The following RNF149 variants were observed in gnomAD, a reference collection of about 807,000 sequenced individuals.
The protein encoded by RNF149 is ring finger protein 149.
RNF149 carries 21 observed loss-of-function variants against 39.0 expected under a neutral mutation model. That is an observed-to-expected ratio of 0.54 (90% CI 0.38 to 0.77). RNF149 has a LOEUF of 0.77. RNF149 is among the 30% of genes least tolerant of loss of function. The pLI, the probability that RNF149 is intolerant of heterozygous loss-of-function variation, is 0.00. For synonymous variants in RNF149, 209 were observed against 213.6 expected (o/e 0.98, Z 0.19); for missense variants, 493 against 534.9 (o/e 0.92, Z 0.77).
At chr2:101,301,238 GTTT>G (rs66471016) in intron 1 of RNF149, among the ~76,000 whole-genome samples, 1 of 148,920 alleles carries the variant, frequency 6.7e-6, no homozygotes, top group Non-Finnish European at 1.5e-5. Context: ...GGCAATTTCT[GTTT>G]TTTTTTTGTT....
At chr2:101,297,162 T>C (rs1002851246) in intron 1 of RNF149, among the ~76,000 whole-genome samples, 6 of 152,038 alleles carry the variant, frequency 3.9e-5, no homozygotes, top group Non-Finnish European at 7.4e-5. Flanking sequence ...TGAGCCAAGA[T>C]TGCGCCACTG....
chr2:101,295,153 A>C lies in RNF149; in HGVS notation c.489T>G (p.Ile163Met). The C allele has an allele frequency of 6.2e-7, 1 of 1,613,692 alleles. No homozygotes were observed. The highest frequency in any genetic ancestry group is 8.5e-7 in the Non-Finnish European group (1 of 1,179,540). Residue 163 changes from isoleucine (I) to methionine (M), a missense_variant, in exon 2 of 7, where the codon ATT (isoleucine) becomes ATG (methionine). Transcript: ENST00000295317. The stretch of plus-strand genomic sequence containing the variant: ...AAATTTCTCTTCCTTTTGGATAGCT[A>C]ATCATAATGACCACTATATTTCCTG... ...AGTGNIVVIMISYPKGREILE... is the reference protein window; with the variant it reads ...AGTGNIVVIMMSYPKGREILE...
intron 5 of RNF149, 110 bp from the exon 6 acceptor site, chr2:101,282,167 T>C (rs2104391769): frequency 2.1e-6 from 3 of 1,452,994 alleles, no homozygotes; most frequent in East Asian, 2.5e-5. Context: ...TTCTGTACAA[T>C]GAATCTGGCA....
At chr2:101,300,593 G>T (rs1232985320) in intron 1 of RNF149, among the ~76,000 whole-genome samples, 1 of 152,110 alleles carries the variant, frequency 6.6e-6, no homozygotes, top group Non-Finnish European at 1.5e-5. Flanking sequence ...CAGGTGGATC[G>T]CTTGACCCTA....
intron 6 of RNF149, among the ~76,000 whole-genome samples, chr2:101,281,149 T>C (rs763185481): frequency 8.5e-5 from 13 of 152,214 alleles, no homozygotes; most frequent in Non-Finnish European, 1.6e-4. Context: ...ATATACATAA[T>C]GATTTCAAAG....
rs1326490098 is a variant in RNF149 at position 101,275,688 on chromosome 2, G to A, written c.*1550C>T. On this transcript the variant is annotated 3_prime_UTR_variant, in exon 7 of 7. Coordinates refer to ENST00000295317, the MANE Select transcript of RNF149 (RefSeq NM_173647.4). ...GATCTCCTGACCTCGTGATCCGCCC[G>A]CCTCGGCCTCCCAAAGTGCTGGGAT... The A allele has an allele frequency of 1.9e-5, 6 of 314,208 alleles. No individual in the cohort carries two copies. The highest frequency in any genetic ancestry group is 1.3e-4 in the South Asian group (1 of 7,986). 19.5% of individuals were successfully genotyped at this position (314,208 alleles called of 1,614,324 possible).
intron 1 of RNF149, among the ~76,000 whole-genome samples, chr2:101,305,032 G>C (rs1683602716): frequency 6.6e-6 from 1 of 151,854 alleles, no homozygotes. Context: ...GTAGAGACAG[G>C]GTTTCACCAT....
chr2:101,297,236 T>C (rs1683266924), intron 1 of RNF149, among the ~76,000 whole-genome samples: 1 of 150,244 alleles, frequency 6.7e-6, no homozygotes, highest in African/African-American at 2.5e-5. Flanking sequence ...GGGCAAATGG[T>C]CAACTTGGAA....
intron 6 of RNF149, among the ~76,000 whole-genome samples, chr2:101,277,897 G>A (rs1393603520): frequency 6.6e-6 from 1 of 152,114 alleles, no homozygotes; most frequent in Non-Finnish European, 1.5e-5. Flanking sequence ...AAGTAGCTAA[G>A]GTGATGGTGA....
downstream of RNF149, among the ~76,000 whole-genome samples, chr2:101,275,435 T>TTC (rs1208439362): frequency 5.2e-5 from 4 of 76,240 alleles, no homozygotes; most frequent in Non-Finnish European, 7.7e-5. Context: ...GTATTTCTTT[T>TTC]TTTTTTTTTT....
chr2:101,297,229 C>CA (rs1327574228), intron 1 of RNF149, among the ~76,000 whole-genome samples: 1 of 150,184 alleles, frequency 6.7e-6, no homozygotes, highest in African/African-American at 2.5e-5. Context: ...ACAAAAAGGG[C>CA]AAATGGTCAA....
rs1031002960 is a variant in RNF149 at position 101,275,856 on chromosome 2, G to A, written c.*1382C>T. 1.0e-6 allele frequency: 1 copy of A among 984,178 alleles called. No individual in the cohort carries two copies. The highest frequency in any genetic ancestry group is 1.2e-6 in the Non-Finnish European group (1 of 828,980). 61.0% of individuals were successfully genotyped at this position (984,178 alleles called of 1,614,324 possible). ...AGATTTCAAAGGTAATGGCTGTTAT[G>A]GAAACCTACTTGAGGTTGTCTGCTA... On this transcript the variant is annotated 3_prime_UTR_variant, in exon 7 of 7. Coordinates refer to ENST00000295317, the MANE Select transcript of RNF149 (RefSeq NM_173647.4).
chr2:101,281,735 T>C, intron 6 of RNF149, 124 bp downstream of exon 6: 1 of 1,200,164 alleles, frequency 8.3e-7, no homozygotes, highest in Non-Finnish European at 1.2e-6. Flanking sequence ...TTCTGGTTAC[T>C]TACTCTTCGA....
Position 101,276,091 on chromosome 2 carries a change from G to T in RNF149, c.*1147C>A, listed in dbSNP as rs1682335008. 2 of 878,628 alleles carry T rather than the reference G, an allele frequency of 2.3e-6. No individual in the cohort carries two copies. Among genetic ancestry groups the T allele is most frequent in the Non-Finnish European group, 2.7e-6 (2 of 732,762 alleles). The allele number at this position is 878,628 out of a possible 1,614,324, so 54.4% of individuals were successfully genotyped here. Reference sequence around the variant, plus strand: ...AAATAAATTTATAATTTTAAAAATTGTTTTAAATAAACATTTATTTTTACC... The same window carrying T: ...AAATAAATTTATAATTTTAAAAATTTTTTTAAATAAACATTTATTTTTACC... On this transcript the variant is annotated 3_prime_UTR_variant, in exon 7 of 7. Transcript: ENST00000295317.
At chr2:101,273,176 C>G (rs1443731371), downstream of RNF149, 11 of 1,273,942 alleles carry the variant, frequency 8.6e-6, no homozygotes, top group Non-Finnish European at 1.1e-5. Flanking sequence ...TAGTTTTCTG[C>G]TGGGAAACCC....
chr2:101,301,449 T>A (rs540470558), intron 1 of RNF149, among the ~76,000 whole-genome samples: 4 of 151,934 alleles, frequency 2.6e-5, no homozygotes, highest in Admixed American at 2.6e-4. Flanking sequence ...CATCTCAGCC[T>A]CTCTAATAGC....
chr2:101,283,587 G>A lies in RNF149; in HGVS notation c.961-1530C>T, dbSNP rs193224649. ...AGGGGGTCAACAGGTCCACAGAAAA[G>A]GGTGTACTGTCTAAAGATTCAAAAG... On this transcript the variant is annotated intron_variant, in intron 5 of 6. Transcript: ENST00000295317. 6.2e-3 allele frequency among the ~76,000 whole-genome samples: 945 copies of A among 152,288 alleles called. 16 individuals are homozygous for A. The highest frequency in any genetic ancestry group is 0.038 in the South Asian group (184 of 4,828).
At chr2:101,271,477 A>G (rs1044121445), downstream of RNF149, 7 of 151,494 alleles carry the variant, frequency 4.6e-5, no homozygotes, top group African/African-American at 1.5e-4. Flanking sequence ...TATATTGGGG[A>G]AAAAAAAATT....
chr2:101,272,442 TGTTA>T (rs1050258188), downstream of RNF149, among the ~76,000 whole-genome samples: 24 of 152,320 alleles, frequency 1.6e-4, no homozygotes, highest in African/African-American at 5.5e-4. Context: ...GTAATCCAAA[TGTTA>T]GTATTTTTCA....
Sources: gnomAD v4.1 joint callset for allele counts (sites outside exome capture counted in the v4.1 genomes callset) on GRCh38, gnomAD v4.1.1 for gene constraint, MANE v1.5 for transcripts, NCBI Gene and HGNC (gene_info 2026-07-23, HGNC 2026-07-21) for gene names.